The following GPC5 variants were observed in gnomAD, a reference collection of about 807,000 sequenced individuals.
The protein encoded by GPC5 is glypican-5.
In GPC5, 47 loss-of-function variants were observed where a neutral mutation model predicts 53.9. That is an observed-to-expected ratio of 0.87 (90% CI 0.69 to 1.11). The LOEUF is 1.11. Ranked by LOEUF, GPC5 falls within the 50% of genes most tolerant of loss-of-function variation. The pLI is 0.00. For synonymous variants in GPC5, 286 were observed against 263.3 expected, an observed-to-expected ratio of 1.09 and a Z score of -0.84; for missense variants, 748 against 713.1, an observed-to-expected ratio of 1.05 and a Z score of -0.56.
chr13:91,953,400 T>C (rs1386949290), intron 6 of GPC5, among the ~76,000 whole-genome samples: 1 of 152,158 alleles, frequency 6.6e-6, no homozygotes, highest in East Asian at 1.9e-4. Context: ...TTGGACTCTA[T>C]GTCACCCCTC....
At chr13:92,768,083 G>C (rs1469664703) in intron 7 of GPC5, among the ~76,000 whole-genome samples, 2 of 152,136 alleles carry the variant, frequency 1.3e-5, no homozygotes, top group African/African-American at 4.8e-5. Flanking sequence ...ATAAATGAAT[G>C]TTAACAAAAT....
intron 2 of GPC5, among the ~76,000 whole-genome samples, chr13:91,550,242 G>A (rs564483586): frequency 2.0e-5 from 3 of 152,164 alleles, no homozygotes; most frequent in African/African-American, 7.2e-5. Flanking sequence ...TTGGTGGAGT[G>A]GGGTGAAGGA....
chr13:92,001,167 G>A (rs571448606), intron 6 of GPC5, among the ~76,000 whole-genome samples: 2 of 152,320 alleles, frequency 1.3e-5, no homozygotes, highest in African/African-American at 4.8e-5. Context: ...GGGTGAAGTT[G>A]TTAGTACTAT....
rs901968858 is a variant in GPC5 at position 91,520,973 on chromosome 13, T to A, written c.325+72051T>A. Among the ~76,000 whole-genome samples the A allele has an allele frequency of 1.5e-4, 23 of 152,268 alleles. No homozygotes were observed. In the Middle Eastern group the frequency reaches 0.01, roughly 68 times the overall value. On this transcript the variant is annotated intron_variant, in intron 2 of 7. Coordinates refer to ENST00000377067, the MANE Select transcript of GPC5 (RefSeq NM_004466.6). Reference sequence around the variant, plus strand: ...TGGGCATTTCAATTGCCTTTGGTAATCTAATTTTAAATTCTCATAGTTACA... The same window carrying A: ...TGGGCATTTCAATTGCCTTTGGTAAACTAATTTTAAATTCTCATAGTTACA...
chr13:91,684,586 T>C (rs1384744377), intron 2 of GPC5, among the ~76,000 whole-genome samples: 1 of 152,170 alleles, frequency 6.6e-6, no homozygotes, highest in East Asian at 1.9e-4. Flanking sequence ...TGATCACTTA[T>C]TGCAGCATAC....
chr13:91,840,103 A>G (rs1425553239), intron 5 of GPC5, among the ~76,000 whole-genome samples: 3 of 152,048 alleles, frequency 2.0e-5, no homozygotes, highest in Non-Finnish European at 4.4e-5. Context: ...GCTCTATTTA[A>G]CTGACAGGGT....
intron 7 of GPC5, among the ~76,000 whole-genome samples, chr13:92,398,890 ATC>A (rs1375283686): frequency 6.6e-6 from 1 of 151,956 alleles, no homozygotes; most frequent in Non-Finnish European, 1.5e-5. Flanking sequence ...TACTGCTATA[ATC>A]TCTCTTTCTC....
Position 92,347,872 on chromosome 13 carries a change from ATAATATATATT to A in GPC5, c.1561+202884_1561+202894del, listed in dbSNP as rs2043430131. On this transcript the variant is annotated intron_variant, in intron 7 of 7. Coordinates refer to ENST00000377067, the MANE Select transcript of GPC5 (RefSeq NM_004466.6). ...TTTTATACATATATATATTATATAT[ATAATATATATT>A]ATATATATTATATATATAATATATA... Among the ~76,000 whole-genome samples, 4 of 14,108 alleles carry A rather than the reference ATAATATATATT, an allele frequency of 2.8e-4. 1 individual carries two copies. The highest frequency in any genetic ancestry group is 4.1e-4 in the Non-Finnish European group (4 of 9,726). 9.3% of individuals were successfully genotyped at this position (14,108 alleles called of 152,430 possible).
chr13:92,848,119 T>A (rs1878671337), intron 7 of GPC5, among the ~76,000 whole-genome samples: 1 of 152,202 alleles, frequency 6.6e-6, no homozygotes, highest in South Asian at 2.1e-4. Flanking sequence ...GCTTGTCAAC[T>A]CACTTTGCCT....
intron 6 of GPC5, among the ~76,000 whole-genome samples, chr13:92,132,215 C>T (rs1182124654): frequency 6.6e-6 from 1 of 152,018 alleles, no homozygotes. Context: ...ATTAATGAGG[C>T]ATAAAAGAGG....
intron 7 of GPC5, among the ~76,000 whole-genome samples, chr13:92,825,131 C>T (rs935647167): frequency 2.0e-5 from 3 of 152,016 alleles, no homozygotes; most frequent in African/African-American, 4.8e-5. Context: ...ATATACATTG[C>T]CCTATTCCTG....
chr13:92,613,359 A>T (rs1293539260), intron 7 of GPC5, among the ~76,000 whole-genome samples: 90 of 91,474 alleles, frequency 9.8e-4, no homozygotes, highest in African/African-American at 3.3e-3. Flanking sequence ...TAAATATATA[A>T]TATATTTATA....
At chr13:91,655,056 G>A (rs893485051) in intron 2 of GPC5, among the ~76,000 whole-genome samples, 1 of 152,098 alleles carries the variant, frequency 6.6e-6, no homozygotes, top group African/African-American at 2.4e-5. Context: ...TGAGAGACCA[G>A]CAGATTAAAT....
intron 7 of GPC5, among the ~76,000 whole-genome samples, chr13:92,494,080 GT>G (rs1275010725): frequency 0.026 from 3,224 of 124,206 alleles, 131 homozygotes; most frequent in African/African-American, 0.082. Flanking sequence ...TTGTTTGTTT[GT>G]TTTGTTTTGT....
chr13:91,521,835 T>G (rs147613388), intron 2 of GPC5, among the ~76,000 whole-genome samples: 3 of 152,296 alleles, frequency 2.0e-5, no homozygotes, highest in African/African-American at 7.2e-5. Context: ...AGATGCCAGT[T>G]AAAAGCTCCA....
chr13:92,182,450 A>G (rs1206039752), intron 7 of GPC5, among the ~76,000 whole-genome samples: 1 of 152,250 alleles, frequency 6.6e-6, no homozygotes, highest in Non-Finnish European at 1.5e-5. Flanking sequence ...TACAAAATTC[A>G]AAATGTTAAT....
At chr13:92,165,585 T>A (rs1455122807) in intron 7 of GPC5, among the ~76,000 whole-genome samples, 2 of 152,056 alleles carry the variant, frequency 1.3e-5, no homozygotes, top group Non-Finnish European at 2.9e-5. Flanking sequence ...GAGAACAAAC[T>A]CACTATCATG....
intron 3 of GPC5, among the ~76,000 whole-genome samples, chr13:91,711,218 A>G (rs1292983691): frequency 2.0e-5 from 3 of 152,222 alleles, no homozygotes; most frequent in East Asian, 1.9e-4. Context: ...ATGTCCATGA[A>G]TGATAGACTG....
At chr13:91,976,092 AG>A in intron 6 of GPC5, among the ~76,000 whole-genome samples, 1 of 152,092 alleles carries the variant, frequency 6.6e-6, no homozygotes. Context: ...GGACACAGGA[AG>A]GGGAACATCA....
Sources: allele counts gnomAD v4.1 joint callset (sites outside exome capture counted in the v4.1 genomes callset), GRCh38; gene constraint gnomAD v4.1.1; transcripts MANE v1.5; gene names NCBI Gene and HGNC (gene_info 2026-07-23, HGNC 2026-07-21).